Variants in ABCA12 observed in about 807,000 individuals in gnomAD.
ABCA12 encodes the protein ATP binding cassette subfamily A member 12.
ABCA12 carries 156 observed loss-of-function variants against 293.5 expected under a neutral mutation model. That is an observed-to-expected ratio of 0.53 (90% CI 0.47 to 0.61). The LOEUF (loss-of-function observed/expected upper bound fraction) is 0.61. Among genes scored for constraint, ABCA12 ranks in the 20% least tolerant of loss-of-function variants. ABCA12 has a pLI of 0.00. For missense variants in ABCA12, 2,797 were observed against 3,090.2 expected (o/e 0.91, Z 2.25); for synonymous variants, 1,063 against 1,108.0 (o/e 0.96, Z 0.81).
chr2:215,102,943 G>A (rs1315498431), intron 2 of ABCA12, among the ~76,000 whole-genome samples: 1 of 152,096 alleles, frequency 6.6e-6, no homozygotes, highest in Admixed American at 6.5e-5. Context: ...TATTAATTTT[G>A]ATTTTGTAAA....
chr2:214,960,160 A>G (rs150283954), intron 39 of ABCA12, among the ~76,000 whole-genome samples: 78 of 152,268 alleles, frequency 5.1e-4, no homozygotes, highest in African/African-American at 1.7e-3. Flanking sequence ...TAACTCTTGT[A>G]TATTAAAGAA....
At chr2:215,111,878 G>T (rs557069909) in intron 1 of ABCA12, among the ~76,000 whole-genome samples, 188 bp from the exon 2 acceptor site, 18 of 152,224 alleles carry the variant, frequency 1.2e-4, no homozygotes, top group African/African-American at 4.3e-4. Flanking sequence ...TAAATGCACA[G>T]AAGAATGATT....
intron 44 of ABCA12, 98 bp downstream of exon 44, chr2:214,953,756 T>C (rs573648941): frequency 2.1e-6 from 3 of 1,459,662 alleles, no homozygotes; most frequent in African/African-American, 1.4e-5. Flanking sequence ...AACATTTCCA[T>C]ATTACCAATG....
chr2:214,993,252 A>T (rs779259786), intron 23 of ABCA12, among the ~76,000 whole-genome samples: 4 of 152,140 alleles, frequency 2.6e-5, no homozygotes, highest in Non-Finnish European at 5.9e-5. Flanking sequence ...CCCTGTCACC[A>T]TTTGTAGTAA....
chr2:215,080,438 G>T (rs1701914939), intron 2 of ABCA12, among the ~76,000 whole-genome samples: 1 of 152,008 alleles, frequency 6.6e-6, no homozygotes, highest in South Asian at 2.1e-4. Flanking sequence ...AGGAGGCGGA[G>T]GTTGCAGTAA....
intron 33 of ABCA12, among the ~76,000 whole-genome samples, chr2:214,976,711 A>T (rs769239021): frequency 6.6e-6 from 1 of 152,034 alleles, no homozygotes; most frequent in African/African-American, 2.4e-5. Context: ...AAAAAAAAAG[A>T]ACTCATTAGA....
At chr2:214,981,956 TATTATTATTA>T (rs1322522798) in intron 30 of ABCA12, among the ~76,000 whole-genome samples, 14 of 132,704 alleles carry the variant, frequency 1.1e-4, no homozygotes, top group Admixed American at 5.6e-4. Context: ...TTATTATTAT[TATTATTATTA>T]TTATTATTAT....
Position 215,011,539 on chromosome 2 carries a change from G to A in ABCA12, c.2232C>T (p.Pro744=). 2 of 1,614,058 alleles carry A rather than the reference G, an allele frequency of 1.2e-6. No individual in the cohort carries two copies. The highest frequency in any genetic ancestry group is 1.1e-5 in the South Asian group (1 of 91,074). The change falls in exon 17 of 53, where the codon CCC becomes CCT. Residue 744 remains proline (P), a synonymous_variant. Transcript: ENST00000272895. ...GGTTGCCTTTTGGCCTCTGGGAAGA[G>A]GGCAGCATGGCAGTTAAATATTCAG... ...ITTEYLTAML[P]SSQRPKGNHT...
chr2:215,081,502 A>AGAAG (rs1701939354), intron 2 of ABCA12, among the ~76,000 whole-genome samples: 1 of 142,042 alleles, frequency 7.0e-6, no homozygotes, highest in East Asian at 2.0e-4. Flanking sequence ...AGAAAAAGAA[A>AGAAG]AAAGAAAAAG....
At chr2:214,969,742 A>G (rs1464678) in intron 37 of ABCA12, among the ~76,000 whole-genome samples, 76,258 of 151,762 alleles carry the variant, frequency 0.5, 19,378 homozygotes, top group Admixed American at 0.54. Flanking sequence ...AATCATGGAT[A>G]TATATTGAGA....
chr2:215,031,163 A>G (rs1458732088), intron 9 of ABCA12, among the ~76,000 whole-genome samples: 4 of 152,214 alleles, frequency 2.6e-5, no homozygotes, highest in Non-Finnish European at 4.4e-5. Context: ...TCCACTGCCT[A>G]TTCCCGGGAC....
At chr2:215,021,699 C>T (rs893967182) in intron 11 of ABCA12, among the ~76,000 whole-genome samples, 16 of 152,064 alleles carry the variant, frequency 1.1e-4, no homozygotes, top group African/African-American at 3.4e-4. Flanking sequence ...TTTATGGTAC[C>T]GGCAAATGTT....
At chr2:215,014,624 G>A in intron 15 of ABCA12, among the ~76,000 whole-genome samples, 1 of 152,010 alleles carries the variant, frequency 6.6e-6, no homozygotes. Flanking sequence ...AGGTGCTAGG[G>A]AGAGGGGTAG....
intron 8 of ABCA12, 75 bp downstream of exon 8, chr2:215,036,878 T>C: frequency 2.3e-6 from 3 of 1,288,696 alleles, no homozygotes; most frequent in Non-Finnish European, 3.4e-6. Flanking sequence ...ATGATTACTT[T>C]CATTGCACTC....
intron 10 of ABCA12, among the ~76,000 whole-genome samples, chr2:215,026,484 C>T (rs1219827632): frequency 6.6e-6 from 1 of 152,118 alleles, no homozygotes; most frequent in Admixed American, 6.5e-5. Flanking sequence ...TTATTAAGAG[C>T]ATAGAAATGT....
intron 28 of ABCA12, among the ~76,000 whole-genome samples, chr2:214,984,196 A>G (rs111337640): frequency 5.3e-4 from 71 of 133,984 alleles, no homozygotes; most frequent in African/African-American, 1.9e-3. Context: ...TCCTGGGTTC[A>G]CACCATTCTC....
chr2:215,010,063 G>C (rs1273182835), intron 18 of ABCA12, among the ~76,000 whole-genome samples: 4 of 152,070 alleles, frequency 2.6e-5, no homozygotes, highest in Admixed American at 2.6e-4. Flanking sequence ...TGAGATAAAT[G>C]GAAAAATCTG....
chr2:215,111,790 C>A, intron 1 of ABCA12, 100 bp from the exon 2 acceptor site: 1 of 846,032 alleles, frequency 1.2e-6, no homozygotes, highest in South Asian at 1.5e-5. Context: ...TATTTCAACA[C>A]AAGCTGAATA....
At chr2:214,976,427 C>A (rs1434821432) in intron 33 of ABCA12, among the ~76,000 whole-genome samples, 2 of 152,166 alleles carry the variant, frequency 1.3e-5, no homozygotes, top group Non-Finnish European at 2.9e-5. Flanking sequence ...GAGATAGTTT[C>A]TATGAAGAGA....
Sources: gnomAD v4.1 joint callset for allele counts (sites outside exome capture counted in the v4.1 genomes callset) on GRCh38, gnomAD v4.1.1 for gene constraint, MANE v1.5 for transcripts, NCBI Gene and HGNC (gene_info 2026-07-23, HGNC 2026-07-21) for gene names.